Variants in PACS2 observed in about 807,000 individuals in gnomAD.
PACS2 encodes the protein PACS1-like protein.
A neutral mutation model predicts 113.0 loss-of-function variants in PACS2; 36 were observed. That is an observed-to-expected ratio of 0.32 (90% CI 0.24 to 0.42). The LOEUF (loss-of-function observed/expected upper bound fraction) is 0.42, where lower values mean the gene tolerates loss of function less well. Ranked by LOEUF, PACS2 falls within the 10% of genes least tolerant of loss-of-function variation. The probability of loss-of-function intolerance (pLI) is 1.00; values close to 1 mark genes in which losing one functional copy is unlikely to be tolerated. For missense variants in PACS2, 1,015 were observed against 1,239.5 expected, an observed-to-expected ratio of 0.82 and a Z score of 2.72; for synonymous variants, 589 against 536.1, an observed-to-expected ratio of 1.10 and a Z score of -1.36.
Position 105,369,476 on chromosome 14 carries a change from G to A in PACS2, c.742-365G>A, listed in dbSNP as rs587658056. Among the ~76,000 whole-genome samples, 23 of 152,258 alleles carry A rather than the reference G, an allele frequency of 1.5e-4. No homozygotes were observed. In the East Asian group the frequency reaches 3.1e-3, roughly 20 times the overall value. On this transcript the variant is annotated intron_variant, in intron 7 of 24. Coordinates refer to ENST00000447393, the MANE Select transcript of PACS2 (RefSeq NM_001100913.3). ...TTGGAGCACGCCCCACCCCACACTC[G>A]CCCACCTGCCCACCCCACGTGGGTG...
chr14:105,327,457 AG>A (rs2059158710), intron 1 of PACS2, among the ~76,000 whole-genome samples: 1 of 152,014 alleles, frequency 6.6e-6, no homozygotes, highest in Non-Finnish European at 1.5e-5. Flanking sequence ...AAGTGGTGAC[AG>A]GGGGCTGGGG....
intron 3 of PACS2, among the ~76,000 whole-genome samples, chr14:105,353,380 CCT>C (rs1491432836): frequency 2.8e-5 from 4 of 141,834 alleles, no homozygotes; most frequent in African/African-American, 1.1e-4. Context: ...GATGGCCCCC[CCT>C]CATCACTGTC....
chr14:105,339,412 C>T (rs965344893), intron 1 of PACS2, among the ~76,000 whole-genome samples: 6 of 150,654 alleles, frequency 4.0e-5, no homozygotes, highest in Non-Finnish European at 7.4e-5. Flanking sequence ...GAGGCTGAGG[C>T]GAAAGAATGG....
rs1480642299 is a variant in PACS2, at chr14:105,340,752, G to C, written c.120-7741G>C. 2.0e-5 allele frequency among the ~76,000 whole-genome samples: 3 copies of C among 152,226 alleles called. No homozygotes were observed. Among genetic ancestry groups the C allele is most frequent in the Non-Finnish European group, 4.4e-5 (3 of 68,032 alleles). On this transcript the variant is annotated intron_variant, in intron 1 of 24. Coordinates refer to ENST00000447393, the MANE Select transcript of PACS2 (RefSeq NM_001100913.3). The surrounding 1 kb of genome is among the most constrained non-coding windows in gnomAD (Gnocchi z 4.2). ...GGTGCTTCCTGCCACCTGTGTAGTG[G>C]TGCAGGTGTCCATGGTCCAGGGCTG...
At chr14:105,384,738 G>A (rs938219528) in intron 17 of PACS2, 141 bp from the exon 18 acceptor site, 2 of 661,988 alleles carry the variant, frequency 3.0e-6, no homozygotes, top group African/African-American at 3.6e-5. Flanking sequence ...GAGCACCAGG[G>A]CCCCTCAGCT....
At chr14:105,338,698 C>G (rs1566916680) in intron 1 of PACS2, among the ~76,000 whole-genome samples, 1 of 152,228 alleles carries the variant, frequency 6.6e-6, no homozygotes, top group Non-Finnish European at 1.5e-5. Context: ...ACCTGCGTGA[C>G]TGACCCCTGC....
intron 1 of PACS2, among the ~76,000 whole-genome samples, chr14:105,326,876 C>A (rs2059129978): frequency 2.0e-5 from 3 of 152,220 alleles, no homozygotes; most frequent in Admixed American, 1.3e-4. Context: ...CGCCAGCCTG[C>A]CCCTTGCAGT....
At chr14:105,351,446 A>AGT (rs2060175822) in intron 2 of PACS2, among the ~76,000 whole-genome samples, 1 of 152,010 alleles carries the variant, frequency 6.6e-6, no homozygotes, top group Non-Finnish European at 1.5e-5. Context: ...GGCTTCTACT[A>AGT]CCCTCATTTT....
Position 105,390,959 on chromosome 14 carries a change from G to A in PACS2, c.2077-248G>A, listed in dbSNP as rs587759916. On this transcript the variant is annotated intron_variant, in intron 20 of 24. Coordinates refer to ENST00000447393, the MANE Select transcript of PACS2 (RefSeq NM_001100913.3). ...ATAGTTTGCAGCTGCCCTGAGGGCC[G>A]ACTTTAGAGAGAGCAGTCCCTCCTG... 1.7e-4 allele frequency: 98 copies of A among 560,368 alleles called. 1 individual carries two copies. The highest frequency in any genetic ancestry group is 1.3e-3 in the South Asian group (59 of 44,990). 34.7% of individuals were successfully genotyped at this position (560,368 alleles called of 1,614,324 possible). A position where few individuals can be genotyped will look rare whatever the true frequency, so the allele number is the denominator to read the frequency against.
At chr14:105,388,422 C>G (rs979003203) in intron 19 of PACS2, among the ~76,000 whole-genome samples, 2 of 152,208 alleles carry the variant, frequency 1.3e-5, no homozygotes, top group Non-Finnish European at 2.9e-5. Flanking sequence ...AAGCCTCTGC[C>G]CTGCAGGGCT....
intron 4 of PACS2, among the ~76,000 whole-genome samples, chr14:105,364,999 C>T (rs1031011373): frequency 1.3e-5 from 2 of 152,318 alleles, no homozygotes; most frequent in Non-Finnish European, 2.9e-5. Context: ...TGCCCGGCCT[C>T]AATTTTCCTA....
At chr14:105,345,693 C>T (rs1442412300) in intron 1 of PACS2, among the ~76,000 whole-genome samples, 2 of 152,180 alleles carry the variant, frequency 1.3e-5, no homozygotes, top group African/African-American at 2.4e-5. Context: ...GGTCAGAGAA[C>T]GTATTCTTTG....
At position 105,395,422 on chromosome 14, in the gene PACS2, CAG is replaced by C. The variant is rs1555416338; in HGVS notation, c.*751_*752del. ...GTCCCTGCCCCAAACTTAGCAAGCA[CAG>C]GGGCCTCCACAGCCCAGGTGGCCCC... On this transcript the variant is annotated 3_prime_UTR_variant, in exon 25 of 25. Transcript: ENST00000447393. The C allele has an allele frequency of 1.3e-5, 2 of 152,174 alleles. No homozygotes were observed. The highest frequency in any genetic ancestry group is 1.5e-5 in the Non-Finnish European group (1 of 68,056). 9.4% of individuals were successfully genotyped at this position (152,174 alleles called of 1,614,324 possible).
chr14:105,370,720 C>G (rs2061118039), intron 8 of PACS2: 1 of 152,244 alleles, frequency 6.6e-6, no homozygotes, highest in Admixed American at 6.5e-5. Flanking sequence ...AATCTCGGCT[C>G]ACTGCAACCT....
intron 4 of PACS2, among the ~76,000 whole-genome samples, 199 bp from the exon 5 acceptor site, chr14:105,367,011 GTCC>G (rs2141139745): frequency 6.6e-6 from 1 of 152,276 alleles, no homozygotes; most frequent in Admixed American, 6.5e-5. Context: ...TGGCTCCTGT[GTCC>G]TCCTCTCGTA....
chr14:105,391,024 G>A (rs752314402), intron 20 of PACS2, 183 bp from the exon 21 acceptor site: 710 of 621,820 alleles, frequency 1.1e-3, no homozygotes, highest in Non-Finnish European at 1.8e-3. Context: ...TCCCCACATG[G>A]CTGCTCTGAG....
Position 105,365,328 on chromosome 14 carries a change from C to T in PACS2, c.424-1885C>T, listed in dbSNP as rs1416328380. Among the ~76,000 whole-genome samples the T allele has an allele frequency of 6.6e-6, 1 of 152,204 alleles. No homozygotes were observed. The highest frequency in any genetic ancestry group is 1.5e-5 in the Non-Finnish European group (1 of 68,024). ...AGGAGCACTGTCAGGAGGAGAGGAA[C>T]ATGCAGCCTGGAGTGTCGGGGCCTG... On this transcript the variant is annotated intron_variant, in intron 4 of 24. Transcript: ENST00000447393. This position sits in a 1 kb window ranked among gnomAD's most constrained non-coding sequence, Gnocchi z 5.1.
At chr14:105,313,370 T>A (rs1419109620), upstream of PACS2, among the ~76,000 whole-genome samples, 2 of 152,126 alleles carry the variant, frequency 1.3e-5, no homozygotes, top group Admixed American at 6.5e-5. Flanking sequence ...AGGTATGAGA[T>A]CCACCGGCCC....
At position 105,331,836 on chromosome 14, in the gene PACS2, GCT is replaced by G. The variant is rs1395159774; in HGVS notation, c.120-16654_120-16653del. Reference sequence around the variant, plus strand: ...TTTTCCTGGAGCACATCCTTCAGAAGCTCTTTCAGTCTTTCAGTGCCTGAAGA... The same window carrying G: ...TTTTCCTGGAGCACATCCTTCAGAAGCTTTCAGTCTTTCAGTGCCTGAAGA... On this transcript the variant is annotated intron_variant, in intron 1 of 24. Coordinates refer to ENST00000447393, the MANE Select transcript of PACS2 (RefSeq NM_001100913.3). Among the ~76,000 whole-genome samples, 8 of 152,324 alleles carry G rather than the reference GCT, an allele frequency of 5.3e-5. No homozygotes were observed. The South Asian group carries it at 1.2e-3, about 24-fold the overall frequency.
Sources: gnomAD v4.1 joint callset for allele counts (sites outside exome capture counted in the v4.1 genomes callset) on GRCh38, gnomAD v4.1.1 for gene constraint, Gnocchi (gnomAD v3.1) non-coding constraint, MANE v1.5 for transcripts, NCBI Gene and HGNC (gene_info 2026-07-23, HGNC 2026-07-21) for gene names.